The following TBC1D9 variants were observed in gnomAD, a reference collection of about 807,000 sequenced individuals.
TBC1D9 encodes the protein TBC1 domain family member 9A.
TBC1D9 carries 63 observed loss-of-function variants against 132.0 expected under a neutral mutation model. That is an observed-to-expected ratio of 0.48 (90% CI 0.39 to 0.59). The LOEUF (loss-of-function observed/expected upper bound fraction) is 0.59. Among genes scored for constraint, TBC1D9 ranks in the 20% least tolerant of loss-of-function variants. The pLI is 0.00. For missense variants in TBC1D9, 1,261 were observed against 1,592.7 expected (o/e 0.79, Z 3.54); for synonymous variants, 610 against 609.9 (o/e 1.00, Z 0.00).
At chr4:140,643,285 G>T in intron 13 of TBC1D9, 2 of 1,308,128 alleles carry the variant, frequency 1.5e-6, no homozygotes, top group Non-Finnish European at 2.2e-6. Context: ...GTGATGCCGT[G>T]CAGAAAGCTC....
In TBC1D9 at chr4:140,679,812, T is replaced by A. The variant is rs1478820914; in HGVS notation, c.392A>T (p.Asp131Val). ...CTCCGTGTCATCATCTTCCTTTACA[T>A]CATTGATTTTGTTGTATTCTGCAAT... ...GIIAEYNKINDVKEDDDTEKF... is the reference protein window; with the variant it reads ...GIIAEYNKINVVKEDDDTEKF... The change falls in exon 4 of 21, where the codon GAT (aspartate) becomes GTT (valine). Residue 131 changes from aspartate to valine, a missense_variant. This residue lies in a region of TBC1D9 where 550 missense variants were observed against 699.0 expected (regional missense o/e 0.79). Transcript: ENST00000442267. 2 of 1,613,340 alleles carry A rather than the reference T, an allele frequency of 1.2e-6. No individual in the cohort carries two copies. Among genetic ancestry groups the A allele is most frequent in the African/African-American group, 2.7e-5 (2 of 74,870 alleles).
At chr4:140,721,304 T>C (rs1279445242) in intron 1 of TBC1D9, among the ~76,000 whole-genome samples, 1 of 152,226 alleles carries the variant, frequency 6.6e-6, no homozygotes, top group African/African-American at 2.4e-5. Flanking sequence ...CTAACAGTGG[T>C]GACCTTACGC....
In TBC1D9 at chr4:140,735,769, T is replaced by C. The variant is rs189280682; in HGVS notation, c.130+20147A>G. Among the ~76,000 whole-genome samples the C allele has an allele frequency of 4.7e-4, 71 of 152,264 alleles. No individual in the cohort carries two copies. The South Asian group carries it at 8.5e-3, about 18-fold the overall frequency. ...AAAGTTTAGTACAGTTATTGCACAGTGAATAGCAAGACCTACTGTGGCGTA... is the reference window on the plus strand; with the variant it reads ...AAAGTTTAGTACAGTTATTGCACAGCGAATAGCAAGACCTACTGTGGCGTA... On this transcript the variant is annotated intron_variant, in intron 1 of 20. Coordinates refer to ENST00000442267, the MANE Select transcript of TBC1D9 (RefSeq NM_015130.3).
At chr4:140,707,542 C>G (rs1052845149) in intron 1 of TBC1D9, among the ~76,000 whole-genome samples, 4 of 152,172 alleles carry the variant, frequency 2.6e-5, no homozygotes, top group Non-Finnish European at 4.4e-5. Flanking sequence ...CACCTGCTGC[C>G]ACCTGTTCTT....
intron 8 of TBC1D9, among the ~76,000 whole-genome samples, 166 bp downstream of exon 8, chr4:140,669,468 C>T (rs1047159218): frequency 2.0e-5 from 3 of 152,212 alleles, no homozygotes; most frequent in African/African-American, 7.2e-5. Context: ...TCATCTCCTT[C>T]CATGAAGCCA....
At chr4:140,729,601 T>C (rs1738554677) in intron 1 of TBC1D9, among the ~76,000 whole-genome samples, 1 of 151,984 alleles carries the variant, frequency 6.6e-6, no homozygotes, top group Admixed American at 6.6e-5. Context: ...AGAAGGAGCA[T>C]GAGATCAAGA....
At chr4:140,661,393 A>T (rs1737358837) in intron 10 of TBC1D9, among the ~76,000 whole-genome samples, 2 of 152,232 alleles carry the variant, frequency 1.3e-5, no homozygotes, top group South Asian at 4.1e-4. Context: ...ATTCAAGGAC[A>T]TTATTACTTA....
At position 140,621,325 on chromosome 4, in the gene TBC1D9, A is replaced by C. The variant is rs1736609946; in HGVS notation, c.*870T>G. 3 of 152,610 alleles carry C rather than the reference A, an allele frequency of 2.0e-5. No individual in the cohort carries two copies. In the South Asian group the frequency reaches 6.2e-4, roughly 32 times the overall value. The allele number at this position is 152,610 out of a possible 1,614,324, so 9.5% of individuals were successfully genotyped here. A position where few individuals can be genotyped will look rare whatever the true frequency, so the allele number is the denominator to read the frequency against. On this transcript the variant is annotated 3_prime_UTR_variant, in exon 21 of 21. Transcript: ENST00000442267. ...TTTTACTTATGTTTTTGCAGTAAGA[A>C]GCTAAACATCCAGTATCAGAAGCAT...
chr4:140,718,847 G>C (rs962671531), intron 1 of TBC1D9, among the ~76,000 whole-genome samples: 1 of 152,122 alleles, frequency 6.6e-6, no homozygotes, highest in Non-Finnish European at 1.5e-5. Flanking sequence ...GGGAGGCCAA[G>C]GTGGATGGAT....
chr4:140,637,812 G>A (rs751386869), intron 15 of TBC1D9, among the ~76,000 whole-genome samples: 2 of 152,120 alleles, frequency 1.3e-5, no homozygotes, highest in Admixed American at 6.5e-5. Context: ...TGCACCAAGC[G>A]CACCACCAAC....
intron 13 of TBC1D9, among the ~76,000 whole-genome samples, chr4:140,646,399 T>C (rs753784069): frequency 6.6e-5 from 10 of 152,194 alleles, no homozygotes; most frequent in Non-Finnish European, 1.5e-4. Context: ...GGATGCCAGA[T>C]TCAATGAATA....
At chr4:140,638,200 T>C (rs542387686) in intron 15 of TBC1D9, among the ~76,000 whole-genome samples, 2 of 152,376 alleles carry the variant, frequency 1.3e-5, no homozygotes, top group East Asian at 1.9e-4. Context: ...TTAGTTCTGA[T>C]GGTAATTAGA....
intron 1 of TBC1D9, among the ~76,000 whole-genome samples, chr4:140,741,321 G>C (rs1162820338): frequency 1.3e-5 from 2 of 152,138 alleles, no homozygotes; most frequent in Non-Finnish European, 2.9e-5. Context: ...TCTCTTGTGG[G>C]GGAAATCTAC....
At chr4:140,718,624 C>T (rs1252990363) in intron 1 of TBC1D9, among the ~76,000 whole-genome samples, 1 of 152,174 alleles carries the variant, frequency 6.6e-6, no homozygotes, top group Non-Finnish European at 1.5e-5. Flanking sequence ...CAGAAGATCA[C>T]CAGGGAAACC....
chr4:140,734,629 CAAAAAAAT>C (rs1039695899), intron 1 of TBC1D9, among the ~76,000 whole-genome samples: 1 of 151,954 alleles, frequency 6.6e-6, no homozygotes, highest in African/African-American at 2.4e-5. Flanking sequence ...CCCATCTCTA[CAAAAAAAT>C]TTTTTTTAGT....
chr4:140,647,207 C>T (rs1737116627), intron 13 of TBC1D9, among the ~76,000 whole-genome samples: 3 of 152,182 alleles, frequency 2.0e-5, no homozygotes, highest in Admixed American at 2.0e-4. Flanking sequence ...CTCATTTGCA[C>T]CTTACAATAA....
intron 9 of TBC1D9, among the ~76,000 whole-genome samples, chr4:140,665,776 A>AAGCAATCCTCC (rs1439328302): frequency 1.3e-5 from 2 of 152,162 alleles, no homozygotes; most frequent in Non-Finnish European, 2.9e-5. Flanking sequence ...TCCCAGACTC[A>AAGCAATCCTCC]AGCAATCCTC....
intron 6 of TBC1D9, among the ~76,000 whole-genome samples, chr4:140,673,131 A>C (rs2111012030): frequency 6.6e-6 from 1 of 151,418 alleles, no homozygotes; most frequent in Non-Finnish European, 1.5e-5. Flanking sequence ...GTGCCACTGC[A>C]CTCCAGCTTG....
intron 10 of TBC1D9, 85 bp downstream of exon 10, chr4:140,661,808 C>T (rs1438195259): frequency 1.7e-6 from 2 of 1,178,860 alleles, no homozygotes; most frequent in Non-Finnish European, 2.4e-6. Flanking sequence ...TTCTGTTAAC[C>T]ATAAACCTTC....
Sources: gnomAD v4.1 joint callset for allele counts (sites outside exome capture counted in the v4.1 genomes callset) on GRCh38, gnomAD v4.1.1 for gene constraint, gnomAD v4.1.1 regional missense constraint, MANE v1.5 for transcripts, NCBI Gene and HGNC (gene_info 2026-07-23, HGNC 2026-07-21) for gene names.